AFAP1: variants seen among roughly 807,000 people sequenced by gnomAD.
The protein encoded by AFAP1 is actin filament-associated protein 1.
A neutral mutation model predicts 93.9 loss-of-function variants in AFAP1; 75 were observed. The ratio of observed to expected loss-of-function variants is 0.80; its 90% CI spans 0.66 to 0.97. The LOEUF (loss-of-function observed/expected upper bound fraction) is 0.97. Among genes scored for constraint, AFAP1 ranks in the 50% least tolerant of loss-of-function variants. The pLI is 0.00. For synonymous variants in AFAP1, 517 were observed against 430.7 expected (o/e 1.20, Z -2.48); for missense variants, 1,201 against 1,050.8 (o/e 1.14, Z -1.98).
chr4:7,858,543 T>C (rs939850417), intron 3 of AFAP1, among the ~76,000 whole-genome samples: 11 of 152,084 alleles, frequency 7.2e-5, no homozygotes, highest in Admixed American at 5.2e-4. Flanking sequence ...GTCTTTCCAA[T>C]CCTTTCCAAT....
chr4:7,854,801 GC>G (rs1714866084), intron 4 of AFAP1, among the ~76,000 whole-genome samples: 1 of 152,080 alleles, frequency 6.6e-6, no homozygotes, highest in Non-Finnish European at 1.5e-5. Flanking sequence ...GTAGCCCCCC[GC>G]CTGACAGATA....
chr4:7,936,632 A>G (rs1460756555), intron 1 of AFAP1, among the ~76,000 whole-genome samples: 1 of 145,214 alleles, frequency 6.9e-6, no homozygotes, highest in Non-Finnish European at 1.5e-5. Context: ...CCCAGGCTGG[A>G]GTGCAGTGGT....
At chr4:7,811,894 G>C (rs1720078566) in intron 8 of AFAP1, among the ~76,000 whole-genome samples, 1 of 152,070 alleles carries the variant, frequency 6.6e-6, no homozygotes, top group Non-Finnish European at 1.5e-5. Context: ...AAACAAATCA[G>C]ACTTAGGCCT....
intron 1 of AFAP1, among the ~76,000 whole-genome samples, chr4:7,937,970 C>T (rs932812291): frequency 6.6e-6 from 1 of 152,174 alleles, no homozygotes; most frequent in Admixed American, 6.5e-5. Context: ...ACTGCGCCTG[C>T]CCACCTCTAT....
chr4:7,799,753 T>C (rs1718845941), intron 10 of AFAP1, among the ~76,000 whole-genome samples: 1 of 152,162 alleles, frequency 6.6e-6, no homozygotes, highest in African/African-American at 2.4e-5. Flanking sequence ...AACAGAATGT[T>C]TTCTATGATG....
chr4:7,929,609 C>T (rs1408001197), intron 1 of AFAP1, among the ~76,000 whole-genome samples: 1 of 152,212 alleles, frequency 6.6e-6, no homozygotes, highest in African/African-American at 2.4e-5. Flanking sequence ...CTCTGCACTC[C>T]CACGGTATTC....
chr4:7,864,716 A>G (rs1311522015), intron 3 of AFAP1, among the ~76,000 whole-genome samples: 1 of 152,236 alleles, frequency 6.6e-6, no homozygotes, highest in East Asian at 1.9e-4. Context: ...TCTTATTACC[A>G]TAATTATTTA....
intron 9 of AFAP1, among the ~76,000 whole-genome samples, chr4:7,806,042 G>A (rs1056281317): frequency 3.9e-5 from 6 of 152,150 alleles, no homozygotes; most frequent in South Asian, 2.1e-4. Context: ...TGGTAACAAC[G>A]GCTTAATTCA....
chr4:7,829,878 C>T (rs1378668299), intron 6 of AFAP1, among the ~76,000 whole-genome samples: 1 of 152,182 alleles, frequency 6.6e-6, no homozygotes, highest in Non-Finnish European at 1.5e-5. Context: ...AGAATTTAGG[C>T]TACAGACCAG....
rs149693498 is a variant in AFAP1, at chr4:7,778,787, C to T, written c.1872G>A (p.Ala624=). Residue 624 remains alanine, a synonymous_variant, in exon 14 of 18, where the codon GCG becomes GCA. Transcript: ENST00000420658. ...LSSQPKKADP[A]AVVKRTGSNA... ...TCGAACCCGTCCTTTTCACAACAGC[C>T]GCGGGATCCGCTTTCTTTGGCTGAC... 1.6e-3 allele frequency: 2,652 copies of T among 1,614,090 alleles called. 3 individuals are homozygous for T. Among genetic ancestry groups the T allele is most frequent in the Non-Finnish European group, 2.2e-3 (2,561 of 1,180,026 alleles).
intron 17 of AFAP1, among the ~76,000 whole-genome samples, chr4:7,764,323 G>A (rs1423935216): frequency 1.3e-5 from 2 of 152,096 alleles, no homozygotes; most frequent in East Asian, 1.9e-4. Flanking sequence ...GGAGGATGGC[G>A]TGAGGCTAGG....
At chr4:7,777,255 T>C (rs956317396) in intron 14 of AFAP1, 1 of 152,108 alleles carries the variant, frequency 6.6e-6, no homozygotes, top group Admixed American at 6.5e-5. Flanking sequence ...ATTTGCCAGA[T>C]AAGGTCAAAG....
At chr4:7,878,596 G>A (rs778366288) in intron 1 of AFAP1, among the ~76,000 whole-genome samples, 40 of 152,186 alleles carry the variant, frequency 2.6e-4, no homozygotes, top group Non-Finnish European at 5.3e-4. Context: ...AGAAAGTACC[G>A]TGGTCTCTGA....
intron 17 of AFAP1, among the ~76,000 whole-genome samples, chr4:7,768,473 A>C (rs750598382): frequency 6.6e-6 from 1 of 152,122 alleles, no homozygotes; most frequent in Non-Finnish European, 1.5e-5. Flanking sequence ...TTTTCTAAAG[A>C]ATCACACATC....
At chr4:7,914,258 T>C (rs1201350350) in intron 1 of AFAP1, among the ~76,000 whole-genome samples, 1 of 152,130 alleles carries the variant, frequency 6.6e-6, no homozygotes, top group Non-Finnish European at 1.5e-5. Flanking sequence ...TTTCGCCACG[T>C]TGGCCAGGCT....
chr4:7,903,471 G>C (rs1431431794), intron 1 of AFAP1, among the ~76,000 whole-genome samples: 3 of 152,228 alleles, frequency 2.0e-5, no homozygotes, highest in Admixed American at 1.3e-4. Context: ...CCTGAGTTCA[G>C]GAGTTCAAGA....
At chr4:7,848,099 AGAAG>A (rs143271001) in intron 4 of AFAP1, among the ~76,000 whole-genome samples, 44,550 of 115,924 alleles carry the variant, frequency 0.38, 9,127 homozygotes, top group Non-Finnish European at 0.47. Context: ...AGGGAAGGAA[AGAAG>A]GAAGGAAGGA....
chr4:7,797,059 C>G (rs1268555342), intron 10 of AFAP1, among the ~76,000 whole-genome samples: 1 of 66,758 alleles, frequency 1.5e-5, no homozygotes, highest in Non-Finnish European at 2.6e-5. Context: ...GACCTTGTCT[C>G]AAAAATAATA....
chr4:7,928,893 A>C (rs1241645124), intron 1 of AFAP1, among the ~76,000 whole-genome samples: 1 of 152,256 alleles, frequency 6.6e-6, no homozygotes, highest in Non-Finnish European at 1.5e-5. Flanking sequence ...TGTAATTCAC[A>C]GTCAGTGGCA....
Sources: allele counts gnomAD v4.1 joint callset (sites outside exome capture counted in the v4.1 genomes callset), GRCh38; gene constraint gnomAD v4.1.1; transcripts MANE v1.5; gene names NCBI Gene and HGNC (gene_info 2026-07-23, HGNC 2026-07-21).